Variants in PCSK5 observed in about 807,000 individuals in gnomAD.
The protein encoded by PCSK5 is proprotein convertase subtilisin/kexin type 5.
A neutral mutation model predicts 233.2 loss-of-function variants in PCSK5; 129 were observed. The ratio of observed to expected loss-of-function variants is 0.55; its 90% CI spans 0.48 to 0.64. The LOEUF (loss-of-function observed/expected upper bound fraction) is 0.64, where lower values mean the gene tolerates loss of function less well. Ranked by LOEUF, PCSK5 falls within the 30% of genes least tolerant of loss-of-function variation. The probability of loss-of-function intolerance (pLI) is 0.00; values close to 1 mark genes in which losing one functional copy is unlikely to be tolerated. For synonymous variants in PCSK5, 825 were observed against 879.2 expected (o/e 0.94, Z 1.09); for missense variants, 2,076 against 2,430.1 (o/e 0.85, Z 3.06).
intron 2 of PCSK5, among the ~76,000 whole-genome samples, chr9:75,945,624 T>C (rs1284417356): frequency 1.3e-5 from 2 of 152,192 alleles, no homozygotes; most frequent in Non-Finnish European, 2.9e-5. Flanking sequence ...AATGACTTTA[T>C]TGATCCTGAA....
intron 5 of PCSK5, among the ~76,000 whole-genome samples, chr9:76,064,725 C>T (rs1364623196): frequency 2.7e-5 from 4 of 150,702 alleles, no homozygotes; most frequent in Non-Finnish European, 5.9e-5. Flanking sequence ...CTCCTCACCT[C>T]CCAGACGGGG....
intron 3 of PCSK5, among the ~76,000 whole-genome samples, chr9:76,013,682 T>C (rs1368604005): frequency 3.9e-5 from 6 of 152,210 alleles, no homozygotes; most frequent in Non-Finnish European, 7.3e-5. Flanking sequence ...GCAGAATGAA[T>C]GAAGGTTTGG....
chr9:76,163,965 CTT>C (rs1194880196), intron 12 of PCSK5, among the ~76,000 whole-genome samples: 1 of 145,768 alleles, frequency 6.9e-6, no homozygotes, highest in Non-Finnish European at 1.5e-5. Context: ...AAAGGTGAAA[CTT>C]TGCCTCCCTT....
chr9:76,270,462 T>C (rs1827479982), intron 24 of PCSK5, among the ~76,000 whole-genome samples: 1 of 152,154 alleles, frequency 6.6e-6, no homozygotes, highest in African/African-American at 2.4e-5. Flanking sequence ...GCCCCCACAA[T>C]CTCCAAAGGA....
intron 10 of PCSK5, among the ~76,000 whole-genome samples, chr9:76,142,996 A>G (rs923533427): frequency 1.3e-5 from 2 of 152,204 alleles, no homozygotes; most frequent in African/African-American, 4.8e-5. Flanking sequence ...AGTGTTGGAA[A>G]AAGCATAATC....
At chr9:76,242,845 G>T (rs973002369) in intron 24 of PCSK5, among the ~76,000 whole-genome samples, 1 of 152,178 alleles carries the variant, frequency 6.6e-6, no homozygotes, top group Non-Finnish European at 1.5e-5. Flanking sequence ...GGCTCTCTTG[G>T]CTCTGCTCAG....
At chr9:75,897,966 A>G (rs1825880103) in intron 1 of PCSK5, among the ~76,000 whole-genome samples, 1 of 152,186 alleles carries the variant, frequency 6.6e-6, no homozygotes, top group Non-Finnish European at 1.5e-5. Context: ...ACTAACAAAC[A>G]AGCAGATAAG....
At chr9:76,290,156 G>A (rs963852094) in intron 24 of PCSK5, among the ~76,000 whole-genome samples, 5 of 152,206 alleles carry the variant, frequency 3.3e-5, no homozygotes, top group Non-Finnish European at 5.9e-5. Flanking sequence ...GTGGTTGGAG[G>A]TTATTTAGAA....
At chr9:76,037,704 C>T (rs59841813) in intron 5 of PCSK5, among the ~76,000 whole-genome samples, 1 of 152,100 alleles carries the variant, frequency 6.6e-6, no homozygotes, top group Admixed American at 6.6e-5. Flanking sequence ...CAAAGAAGAG[C>T]CTGTGAAAAT....
chr9:76,243,834 G>A (rs994213259), intron 24 of PCSK5, among the ~76,000 whole-genome samples: 3 of 152,110 alleles, frequency 2.0e-5, no homozygotes, highest in Non-Finnish European at 2.9e-5. Context: ...AGAGATGAAT[G>A]GCTTAGGATA....
chr9:75,920,531 G>A (rs1190271281), intron 1 of PCSK5, among the ~76,000 whole-genome samples: 4 of 152,122 alleles, frequency 2.6e-5, no homozygotes, highest in African/African-American at 4.8e-5. Context: ...AAGGCTGGGT[G>A]GTATGGGTCA....
In PCSK5 at chr9:76,351,480, GA is replaced by G. The variant is rs1304697815; in HGVS notation, c.5067+555del. 3.8e-3 allele frequency among the ~76,000 whole-genome samples: 276 copies of G among 73,562 alleles called. 25 individuals carry two copies. Among genetic ancestry groups the G allele is most frequent in the African/African-American group, 0.012 (255 of 20,612 alleles). The allele number at this position is 73,562 out of a possible 152,430, so 48.3% of individuals were successfully genotyped here. A position where few individuals can be genotyped will look rare whatever the true frequency, so the allele number is the denominator to read the frequency against. On this transcript the variant is annotated intron_variant, in intron 36 of 37. Coordinates refer to ENST00000674117, the MANE Select transcript of PCSK5 (RefSeq NM_001372043.1). ...AGAAAGAAAGAAAGAAAGAAAGAAA[GA>G]AAGAAAGAAAGAAAGAAAGAAAGAA...
chr9:76,335,310 G>C lies in PCSK5; in HGVS notation c.4748+2700G>C, dbSNP rs563046946. 4.6e-5 allele frequency among the ~76,000 whole-genome samples: 7 copies of C among 152,258 alleles called. No homozygotes were observed. The East Asian group carries it at 7.7e-4, about 17-fold the overall frequency. On this transcript the variant is annotated intron_variant, in intron 34 of 37. Transcript: ENST00000674117. ...GCGTGTAAAGTTCCCCAGGGCTGGT[G>C]GGGGGAGGCACAGGTTGCCATAGAT...
At chr9:76,294,606 C>A (rs1828379722) in intron 25 of PCSK5, among the ~76,000 whole-genome samples, 1 of 152,056 alleles carries the variant, frequency 6.6e-6, no homozygotes, top group East Asian at 1.9e-4. Context: ...TAACCCTGAG[C>A]TCCAGTTCCC....
intron 21 of PCSK5, among the ~76,000 whole-genome samples, chr9:76,229,675 T>G (rs1826013655): frequency 6.6e-6 from 1 of 152,246 alleles, no homozygotes. Context: ...TTTTAATGGC[T>G]TTAATTAGGC....
intron 3 of PCSK5, among the ~76,000 whole-genome samples, chr9:76,015,832 T>C (rs1283544193): frequency 6.6e-6 from 1 of 152,220 alleles, no homozygotes; most frequent in East Asian, 1.9e-4. Flanking sequence ...AGTGAGCTTT[T>C]TGTGGTTTTA....
intron 16 of PCSK5, among the ~76,000 whole-genome samples, chr9:76,184,113 T>C (rs1823992872): frequency 6.6e-6 from 1 of 152,212 alleles, no homozygotes; most frequent in African/African-American, 2.4e-5. Flanking sequence ...CCACTGCAGC[T>C]GTAAAGTGCA....
chr9:76,018,296 A>G (rs1828036823), intron 3 of PCSK5, among the ~76,000 whole-genome samples: 1 of 152,024 alleles, frequency 6.6e-6, no homozygotes, highest in Non-Finnish European at 1.5e-5. Flanking sequence ...ATTGGGAAAC[A>G]CTAACACATA....
chr9:75,916,267 G>A (rs1822985068), intron 1 of PCSK5, among the ~76,000 whole-genome samples: 1 of 152,162 alleles, frequency 6.6e-6, no homozygotes, highest in Admixed American at 6.6e-5. Flanking sequence ...TGAGCTTGGT[G>A]TCGGAAAAAT....
Sources: gnomAD v4.1 joint callset for allele counts (sites outside exome capture counted in the v4.1 genomes callset) on GRCh38, gnomAD v4.1.1 for gene constraint, MANE v1.5 for transcripts, NCBI Gene and HGNC (gene_info 2026-07-23, HGNC 2026-07-21) for gene names.